SYNPR: variants seen among roughly 807,000 people sequenced by gnomAD.
SYNPR encodes synaptoporin.
In SYNPR, 23 loss-of-function variants were observed where a neutral mutation model predicts 32.9. The observed-to-expected ratio is 0.70, with a 90% confidence interval of 0.50 to 0.99. The LOEUF is 0.99. SYNPR is among the 50% of genes least tolerant of loss of function. The pLI, the probability that SYNPR is intolerant of heterozygous loss-of-function variation, is 0.00. For synonymous variants in SYNPR, 146 were observed against 135.9 expected (o/e 1.07, Z -0.52); for missense variants, 318 against 349.3 (o/e 0.91, Z 0.71).
chr3:63,221,156 G>A, the SYNPR span, among the ~76,000 whole-genome samples: 11 of 152,060 alleles, frequency 7.2e-5, no homozygotes, highest in Non-Finnish European at 1.6e-4. Flanking sequence ...TGTCAAACAG[G>A]CGCTTGGGTA....
chr3:63,371,713 A>C (rs2087814246), intron 2 of SYNPR, among the ~76,000 whole-genome samples: 1 of 152,318 alleles, frequency 6.6e-6, no homozygotes, highest in Non-Finnish European at 1.5e-5. Flanking sequence ...TCCTCGTTCC[A>C]ACTTCTCCTC....
chr3:63,310,947 T>G (rs1216249629), intron 2 of SYNPR, among the ~76,000 whole-genome samples: 1 of 152,030 alleles, frequency 6.6e-6, no homozygotes, highest in African/African-American at 2.4e-5. Context: ...AGCTGTTCCC[T>G]GTACTCTCAG....
chr3:63,273,303 C>G (rs2086551061), intron 3 of SYNPR, among the ~76,000 whole-genome samples: 1 of 152,148 alleles, frequency 6.6e-6, no homozygotes, highest in African/African-American at 2.4e-5. Context: ...GCTGTTTACT[C>G]TCTATAAGAC....
intron 3 of SYNPR, among the ~76,000 whole-genome samples, chr3:63,536,311 G>A (rs973898789): frequency 1.3e-5 from 2 of 152,032 alleles, no homozygotes; most frequent in South Asian, 2.1e-4. Context: ...CAAAGAACTT[G>A]AGTAGACATT....
intron 2 of SYNPR, among the ~76,000 whole-genome samples, chr3:63,284,527 G>A (rs2086661663): frequency 1.3e-5 from 2 of 152,024 alleles, no homozygotes; most frequent in African/African-American, 2.4e-5. Flanking sequence ...TCCCTTTCCA[G>A]CCTACCTCCC....
intron 2 of SYNPR, among the ~76,000 whole-genome samples, chr3:63,350,968 T>G (rs975851310): frequency 6.6e-6 from 1 of 152,206 alleles, no homozygotes; most frequent in Non-Finnish European, 1.5e-5. Flanking sequence ...TGACCCTCAG[T>G]TGGGTTCCAT....
At chr3:63,402,875 G>T (rs1486538712) in intron 2 of SYNPR, among the ~76,000 whole-genome samples, 1 of 152,182 alleles carries the variant, frequency 6.6e-6, no homozygotes, top group Non-Finnish European at 1.5e-5. Context: ...GAAGTACCAG[G>T]TGCTGTGGGG....
At chr3:63,449,278 T>A (rs1263671545) in intron 2 of SYNPR, among the ~76,000 whole-genome samples, 2 of 152,148 alleles carry the variant, frequency 1.3e-5, no homozygotes, top group Non-Finnish European at 2.9e-5. Flanking sequence ...AATAAATTTA[T>A]ATATTGGGTA....
intron 2 of SYNPR, among the ~76,000 whole-genome samples, chr3:63,448,869 C>A (rs1168972001): frequency 6.6e-6 from 1 of 152,060 alleles, no homozygotes; most frequent in Non-Finnish European, 1.5e-5. Context: ...TTGAACTGTT[C>A]TAGTAAGGCA....
At chr3:63,548,777 G>A (rs770902728) in intron 3 of SYNPR, among the ~76,000 whole-genome samples, 1 of 152,104 alleles carries the variant, frequency 6.6e-6, no homozygotes, top group Non-Finnish European at 1.5e-5. Flanking sequence ...ACAGCAGCCT[G>A]CTCCCCCACA....
intron 2 of SYNPR, among the ~76,000 whole-genome samples, chr3:63,370,840 T>G (rs935001073): frequency 2.6e-5 from 4 of 152,156 alleles, no homozygotes; most frequent in African/African-American, 7.2e-5. Flanking sequence ...AGTACTGAGT[T>G]AGAGAAAGAC....
chr3:63,287,957 C>A (rs2086701655), intron 2 of SYNPR, among the ~76,000 whole-genome samples: 1 of 152,158 alleles, frequency 6.6e-6, no homozygotes, highest in Non-Finnish European at 1.5e-5. Context: ...CAATGAGCAG[C>A]AAGAATGCCT....
chr3:63,384,618 C>T (rs1188155863), intron 2 of SYNPR, among the ~76,000 whole-genome samples: 1 of 152,124 alleles, frequency 6.6e-6, no homozygotes, highest in Non-Finnish European at 1.5e-5. Flanking sequence ...AAAGACCATT[C>T]ATTGAAATGA....
intron 3 of SYNPR, among the ~76,000 whole-genome samples, chr3:63,512,963 T>A (rs549185174): frequency 3.3e-5 from 5 of 152,232 alleles, no homozygotes; most frequent in African/African-American, 1.2e-4. Flanking sequence ...GCCTCTATTT[T>A]AGTCCTATGG....
At position 63,336,519 on chromosome 3, in the gene SYNPR, CAAAAAAAAAAAAAAAAAAAAAAAAAAA is replaced by C. The variant is rs3082131; in HGVS notation, c.84+57794_84+57820del. 5.6e-3 allele frequency among the ~76,000 whole-genome samples: 275 copies of C among 48,840 alleles called. 4 individuals carry two copies. In the East Asian group the frequency reaches 0.15, roughly 26 times the overall value. 32.0% of individuals were successfully genotyped at this position (48,840 alleles called of 152,430 possible). A position where few individuals can be genotyped will look rare whatever the true frequency, so the allele number is the denominator to read the frequency against. On this transcript the variant is annotated intron_variant, in intron 2 of 5. Coordinates refer to ENST00000478300, the MANE Select transcript of SYNPR (RefSeq NM_001130003.2). The stretch of plus-strand genomic sequence containing the variant: ...ACTAGAACAAGTGGACATTCCCATG[CAAAAAAAAAAAAAAAAAAAAAAAAAAA>C]AAAAAAAAAAAAAAAAGACTCTATA...
At chr3:63,488,665 A>G (rs1360572857) in intron 3 of SYNPR, among the ~76,000 whole-genome samples, 1 of 152,058 alleles carries the variant, frequency 6.6e-6, no homozygotes, top group African/African-American at 2.4e-5. Flanking sequence ...CACACATTGA[A>G]TATTCCCTGA....
At chr3:63,321,326 A>C (rs983921987) in intron 2 of SYNPR, among the ~76,000 whole-genome samples, 3 of 152,114 alleles carry the variant, frequency 2.0e-5, no homozygotes, top group East Asian at 1.9e-4. Context: ...ACATGTGGAT[A>C]CTGGAGAAAA....
chr3:63,231,407 A>T (rs1320119354), intron 1 of SYNPR, among the ~76,000 whole-genome samples: 9 of 152,214 alleles, frequency 5.9e-5, no homozygotes, highest in Non-Finnish European at 1.2e-4. Flanking sequence ...GGTGCACCAA[A>T]ATCTCAGAAT....
intron 2 of SYNPR, among the ~76,000 whole-genome samples, chr3:63,462,018 C>T (rs76041590): frequency 0.026 from 3,949 of 152,060 alleles, 135 homozygotes; most frequent in East Asian, 0.13. Flanking sequence ...AGACCCATCC[C>T]GTCTTGCCTC....
Sources: allele counts gnomAD v4.1 joint callset (sites outside exome capture counted in the v4.1 genomes callset), GRCh38; gene constraint gnomAD v4.1.1; transcripts MANE v1.5; gene names NCBI Gene and HGNC (gene_info 2026-07-23, HGNC 2026-07-21).